Variants in STN1 observed in about 807,000 individuals in gnomAD.
STN1 encodes the protein STN1 subunit of CST complex.
STN1 carries 29 observed loss-of-function variants against 45.5 expected under a neutral mutation model. The ratio of observed to expected loss-of-function variants is 0.64; its 90% CI spans 0.47 to 0.87. STN1 has a LOEUF of 0.87. Among genes scored for constraint, STN1 ranks in the 40% least tolerant of loss-of-function variants. The probability of loss-of-function intolerance (pLI) is 0.00; values close to 1 mark genes in which losing one functional copy is unlikely to be tolerated. For missense variants in STN1, 376 were observed against 441.4 expected (o/e 0.85, Z 1.33); for synonymous variants, 148 against 159.0 (o/e 0.93, Z 0.52).
chr10:103,910,745 A>G (rs3752949), intron 2 of STN1, 123 bp from the exon 3 acceptor site: 120,274 of 574,520 alleles, frequency 0.21, 13,318 homozygotes, highest in Non-Finnish European at 0.22. Flanking sequence ...CTGAAATTCT[A>G]GACTTAAGAA....
rs980139937 is a variant in STN1 at position 103,890,085 on chromosome 10, T to C, written c.877-941A>G. Among the ~76,000 whole-genome samples the C allele has an allele frequency of 4.6e-5, 7 of 150,704 alleles. No homozygotes were observed. In the East Asian group the frequency reaches 1.4e-3, roughly 29 times the overall value. On this transcript the variant is annotated intron_variant, in intron 8 of 9. Transcript: ENST00000224950. ...TCACCTTCATGTTCCACAGTGAATC[T>C]AGTAACAAAAAAAGAGAGAAAGAGA... is the stretch of plus-strand genomic sequence containing the variant.
chr10:103,886,691 C>A (rs1156777266), intron 9 of STN1, among the ~76,000 whole-genome samples: 6 of 152,200 alleles, frequency 3.9e-5, no homozygotes, highest in Non-Finnish European at 7.3e-5. Context: ...AAGAGAACTT[C>A]ATTTTTATTT....
At chr10:103,893,957 G>A (rs1843155845) in intron 7 of STN1, among the ~76,000 whole-genome samples, 1 of 152,186 alleles carries the variant, frequency 6.6e-6, no homozygotes, top group Non-Finnish European at 1.5e-5. Flanking sequence ...GGGAGAATAA[G>A]GCTGAGAAAT....
rs1589494084 is a variant in STN1, at chr10:103,880,411, A to G, written c.*2273T>C. ...CTCTGCGTGGTGGGTTTCATCCAGGACCAGCAATCTGGTCTTTTAGCCTTC... is the reference window on the plus strand; with the variant it reads ...CTCTGCGTGGTGGGTTTCATCCAGGGCCAGCAATCTGGTCTTTTAGCCTTC... On this transcript the variant is annotated 3_prime_UTR_variant, in exon 10 of 10. Coordinates refer to ENST00000224950, the MANE Select transcript of STN1 (RefSeq NM_024928.5). Among the ~76,000 whole-genome samples the G allele has an allele frequency of 1.3e-5, 2 of 152,232 alleles. No individual in the cohort carries two copies. The highest frequency in any genetic ancestry group is 4.8e-5 in the African/African-American group (2 of 41,464).
intron 2 of STN1, among the ~76,000 whole-genome samples, chr10:103,915,105 C>A (rs1843322065): frequency 1.3e-5 from 2 of 152,344 alleles, no homozygotes; most frequent in Non-Finnish European, 2.9e-5. Flanking sequence ...AAGGCAGGGT[C>A]TGGGAGGGCA....
In STN1 at chr10:103,900,048, T is replaced by C. The variant is rs1367953721; in HGVS notation, c.457+14A>G. On this transcript the variant is annotated intron_variant, in intron 5 of 9. Coordinates refer to ENST00000224950, the MANE Select transcript of STN1 (RefSeq NM_024928.5). ...AGAAAAACCACCAATTTGGTAGAAA[T>C]ATCTTGTGCTTACAGTAAGTGGTGG... 1 of 1,609,900 alleles carries C rather than the reference T, an allele frequency of 6.2e-7. No homozygotes were observed. The highest frequency in any genetic ancestry group is 8.5e-7 in the Non-Finnish European group (1 of 1,177,302).
chr10:103,917,624 C>T lies in STN1; in HGVS notation c.-30G>A, dbSNP rs1011187344. On this transcript the variant is annotated 5_prime_UTR_variant, in exon 2 of 10. Coordinates refer to ENST00000224950, the MANE Select transcript of STN1 (RefSeq NM_024928.5). ...AGGCAGGGCTGTGGCTTCCAGCTAA[C>T]TCTGAAAGGTTCTGCATCACTGAGT... 5 of 1,609,472 alleles carry T rather than the reference C, an allele frequency of 3.1e-6. No homozygotes were observed. The highest frequency in any genetic ancestry group is 1.1e-5 in the South Asian group (1 of 90,684).
chr10:103,887,603 A>G (rs901105009), intron 9 of STN1, among the ~76,000 whole-genome samples: 27 of 152,164 alleles, frequency 1.8e-4, no homozygotes, highest in Admixed American at 1.6e-3. Flanking sequence ...ATCTTTTATC[A>G]GCATTCTCAG....
At chr10:103,899,813 A>T in intron 5 of STN1, 2 of 410,292 alleles carry the variant, frequency 4.9e-6, no homozygotes, top group Admixed American at 4.2e-5. Context: ...ATGTCATCCA[A>T]ATAAACTTGC....
chr10:103,916,228 G>C (rs1032980809), intron 2 of STN1, among the ~76,000 whole-genome samples: 1 of 152,208 alleles, frequency 6.6e-6, no homozygotes, highest in Non-Finnish European at 1.5e-5. Context: ...ACATCATAAA[G>C]TCTTTTGCCT....
rs985496126 is a variant in STN1, at chr10:103,882,379, G to T, written c.*305C>A. Among the ~76,000 whole-genome samples the T allele has an allele frequency of 2.6e-5, 4 of 152,196 alleles. No homozygotes were observed. Among genetic ancestry groups the T allele is most frequent in the African/African-American group, 9.7e-5 (4 of 41,442 alleles). ...TCCAACCACACACATCAGTTAAGCT[G>T]CCAACACTGTTTCCTCCCCATTCTG... On this transcript the variant is annotated 3_prime_UTR_variant, in exon 10 of 10. Transcript: ENST00000224950.
At chr10:103,883,468 G>A (rs910207791) in intron 9 of STN1, among the ~76,000 whole-genome samples, 2 of 151,960 alleles carry the variant, frequency 1.3e-5, no homozygotes, top group African/African-American at 4.8e-5. Context: ...TTTCCTAGTT[G>A]AAATCAATGA....
Position 103,878,548 on chromosome 10 carries a change from C to T in STN1, c.*4136G>A, listed in dbSNP as rs1843045594. ...CTGCCCGGGCCGAGTCTGGCTTACA[C>T]ACCGGTTGAATTCTTGTCCAGCGCC... is the stretch of plus-strand genomic sequence containing the variant. On this transcript the variant is annotated 3_prime_UTR_variant, in exon 10 of 10. Transcript: ENST00000224950. 6.6e-6 allele frequency: 1 copy of T among 152,144 alleles called. No individual in the cohort carries two copies. 9.4% of individuals were successfully genotyped at this position (152,144 alleles called of 1,614,324 possible). A position where few individuals can be genotyped will look rare whatever the true frequency, so the allele number is the denominator to read the frequency against.
At chr10:103,889,035 G>A in intron 9 of STN1, 37 bp downstream of exon 9, 1 of 1,440,412 alleles carries the variant, frequency 6.9e-7, no homozygotes, top group Non-Finnish European at 9.8e-7. Flanking sequence ...TCCCCTTCCA[G>A]GGCACCAGGG....
At chr10:103,910,264 T>C (rs1266556210) in intron 3 of STN1, among the ~76,000 whole-genome samples, 3 of 152,192 alleles carry the variant, frequency 2.0e-5, no homozygotes, top group African/African-American at 4.8e-5. Context: ...TCGATGCTCA[T>C]AGGGGGCTGT....
intron 2 of STN1, among the ~76,000 whole-genome samples, chr10:103,916,812 T>G (rs1349848338): frequency 6.6e-6 from 1 of 151,816 alleles, no homozygotes; most frequent in East Asian, 1.9e-4. Context: ...AAAAGAAAAT[T>G]TAAACTTTAC....
intron 7 of STN1, among the ~76,000 whole-genome samples, chr10:103,894,645 G>T (rs1283534537): frequency 6.8e-6 from 1 of 147,982 alleles, no homozygotes; most frequent in Non-Finnish European, 1.5e-5. Context: ...TTTCAAAAAA[G>T]CAATGACAGA....
chr10:103,889,051 C>A lies in STN1; in HGVS notation c.949+21G>T, dbSNP rs767808317. 27 of 1,572,030 alleles carry A rather than the reference C, an allele frequency of 1.7e-5. No homozygotes were observed. The Admixed American group carries it at 2.2e-4, about 13-fold the overall frequency. Reference sequence around the variant, plus strand: ...CCCCTTCCAGGGCACCAGGGCATCACTTGTACATTATACCACTTACGATTT... The same window carrying A: ...CCCCTTCCAGGGCACCAGGGCATCAATTGTACATTATACCACTTACGATTT... On this transcript the variant is annotated intron_variant, in intron 9 of 9. Coordinates refer to ENST00000224950, the MANE Select transcript of STN1 (RefSeq NM_024928.5).
intron 7 of STN1, among the ~76,000 whole-genome samples, chr10:103,895,597 G>T (rs1332605817): frequency 6.6e-6 from 1 of 152,186 alleles, no homozygotes; most frequent in Non-Finnish European, 1.5e-5. Context: ...CCACTTTGGT[G>T]TTTTCTGAAA....
Sources: gnomAD v4.1 joint callset for allele counts (sites outside exome capture counted in the v4.1 genomes callset) on GRCh38, gnomAD v4.1.1 for gene constraint, MANE v1.5 for transcripts, NCBI Gene and HGNC (gene_info 2026-07-23, HGNC 2026-07-21) for gene names.